Variants in MCC observed in about 807,000 individuals in gnomAD.
MCC encodes colorectal mutant cancer protein.
In MCC, 90 loss-of-function variants were observed where a neutral mutation model predicts 116.2. That is an observed-to-expected ratio of 0.77 (90% confidence interval 0.65 to 0.92). The LOEUF is 0.92. MCC is among the 40% of genes least tolerant of loss of function. MCC has a pLI of 0.00. For missense variants in MCC, 1,516 were observed against 1,312.2 expected, an observed-to-expected ratio of 1.16 and a Z score of -2.40; for synonymous variants, 578 against 510.5, an observed-to-expected ratio of 1.13 and a Z score of -1.78.
intron 2 of MCC, among the ~76,000 whole-genome samples, chr5:113,343,651 A>C (rs74390938): frequency 1.2e-3 from 187 of 152,332 alleles, no homozygotes; most frequent in Admixed American, 2.8e-3. Flanking sequence ...TACTCTCAGC[A>C]CCGTGCACAT....
intron 15 of MCC, among the ~76,000 whole-genome samples, chr5:113,053,045 C>T (rs1458115522): frequency 6.6e-6 from 1 of 152,198 alleles, no homozygotes; most frequent in Non-Finnish European, 1.5e-5. Context: ...TGGTGCCTGG[C>T]ATTCCACACC....
chr5:113,438,547 G>A (rs995508541), intron 1 of MCC, among the ~76,000 whole-genome samples: 1 of 152,146 alleles, frequency 6.6e-6, no homozygotes, highest in African/African-American at 2.4e-5. Context: ...GATTAGACAT[G>A]GTGATTCCTG....
chr5:113,097,326 T>G (rs1442172379), intron 8 of MCC, among the ~76,000 whole-genome samples: 1 of 152,222 alleles, frequency 6.6e-6, no homozygotes, highest in African/African-American at 2.4e-5. Flanking sequence ...TCTATGTATA[T>G]ACTTCTGCAT....
chr5:113,449,341 T>C (rs1017556347), intron 1 of MCC, among the ~76,000 whole-genome samples: 2 of 152,144 alleles, frequency 1.3e-5, no homozygotes, highest in Non-Finnish European at 2.9e-5. Flanking sequence ...CCTGTATATA[T>C]GAAAAGCAGA....
In MCC at chr5:113,028,926, AT is replaced by A; in HGVS notation, c.2879+7del. ...GGCGGTGGGGGCTGGGTATAGGGAG[AT>A]TTTTACCTGTTGGCCCGCTTTAGAT... On this transcript the variant is annotated splice_region_variant and intron_variant, in intron 18 of 18. Transcript: ENST00000408903. The A allele has an allele frequency of 1.2e-6, 2 of 1,612,110 alleles. No homozygotes were observed. The highest frequency in any genetic ancestry group is 1.7e-6 in the Non-Finnish European group (2 of 1,178,966).
intron 4 of MCC, among the ~76,000 whole-genome samples, chr5:113,144,974 A>T (rs1274743426): frequency 2.6e-5 from 4 of 152,212 alleles, no homozygotes; most frequent in Non-Finnish European, 5.9e-5. Flanking sequence ...AAGATGCTGT[A>T]ACCAGCCACA....
At chr5:113,254,482 G>T (rs944673907) in intron 3 of MCC, among the ~76,000 whole-genome samples, 3 of 152,134 alleles carry the variant, frequency 2.0e-5, no homozygotes, top group Admixed American at 2.0e-4. Context: ...AGTTTTGAGA[G>T]AATGAAGACA....
At chr5:113,218,883 A>G (rs1294682931) in intron 3 of MCC, among the ~76,000 whole-genome samples, 4 of 152,112 alleles carry the variant, frequency 2.6e-5, no homozygotes, top group East Asian at 1.9e-4. Context: ...GGGACGCATT[A>G]TAAGAATAGC....
chr5:113,296,729 A>G (rs1159704331), intron 3 of MCC, among the ~76,000 whole-genome samples: 1 of 152,206 alleles, frequency 6.6e-6, no homozygotes, highest in African/African-American at 2.4e-5. Flanking sequence ...AAGGTTTTTT[A>G]GCATAGAAAT....
chr5:113,132,444 A>ATATATAT (rs1758514929), intron 5 of MCC, among the ~76,000 whole-genome samples: 1 of 22,524 alleles, frequency 4.4e-5, no homozygotes, highest in African/African-American at 8.6e-5. Context: ...ATATATATAT[A>ATATATAT]CACACACACA....
chr5:113,375,519 A>T (rs1484348539), intron 2 of MCC, among the ~76,000 whole-genome samples: 1 of 152,194 alleles, frequency 6.6e-6, no homozygotes, highest in Admixed American at 6.5e-5. Flanking sequence ...GGGGTCAACA[A>T]TTCTCAGCTG....
chr5:113,331,452 C>A (rs1233010855), intron 3 of MCC, among the ~76,000 whole-genome samples: 1 of 151,664 alleles, frequency 6.6e-6, no homozygotes, highest in African/African-American at 2.4e-5. Flanking sequence ...AGGAAATCTA[C>A]CCTACAGTCT....
intron 17 of MCC, among the ~76,000 whole-genome samples, chr5:113,036,735 C>CCAGG (rs1460877874): frequency 2.0e-5 from 3 of 152,174 alleles, no homozygotes. Context: ...TTATGAGGTC[C>CCAGG]CAGGCAAGGC....
At chr5:113,122,938 C>G in intron 5 of MCC, 112 bp from the exon 6 acceptor site, 1 of 1,105,632 alleles carries the variant, frequency 9.0e-7, no homozygotes, top group Non-Finnish European at 1.3e-6. Context: ...CAGATTTCTC[C>G]CCCAGGCCAC....
At chr5:113,264,873 C>G (rs1765363697) in intron 3 of MCC, among the ~76,000 whole-genome samples, 1 of 152,128 alleles carries the variant, frequency 6.6e-6, no homozygotes, top group African/African-American at 2.4e-5. Context: ...GAAACCCCAT[C>G]TCTACTAAAA....
At chr5:113,119,178 G>A (rs757180968) in intron 6 of MCC, among the ~76,000 whole-genome samples, 23 of 152,224 alleles carry the variant, frequency 1.5e-4, no homozygotes, top group Non-Finnish European at 2.8e-4. Context: ...GGTAAATTAG[G>A]CAGGTGAAGT....
At chr5:113,068,570 G>T (rs2150232557) in intron 12 of MCC, among the ~76,000 whole-genome samples, 1 of 152,324 alleles carries the variant, frequency 6.6e-6, no homozygotes, top group Non-Finnish European at 1.5e-5. Flanking sequence ...ACCAGGGTTG[G>T]TCTGTGTGAC....
At chr5:113,317,085 G>A (rs929273415) in intron 3 of MCC, among the ~76,000 whole-genome samples, 4 of 152,196 alleles carry the variant, frequency 2.6e-5, no homozygotes, top group East Asian at 1.9e-4. Flanking sequence ...GGGGACTACC[G>A]AAAAGAAATA....
chr5:113,334,196 A>G (rs1264112904), intron 3 of MCC, among the ~76,000 whole-genome samples: 14 of 148,566 alleles, frequency 9.4e-5, no homozygotes, highest in Non-Finnish European at 1.9e-4. Flanking sequence ...ATTTATATAT[A>G]TTATATATAT....
Sources: allele counts gnomAD v4.1 joint callset (sites outside exome capture counted in the v4.1 genomes callset), GRCh38; gene constraint gnomAD v4.1.1; transcripts MANE v1.5; gene names NCBI Gene and HGNC (gene_info 2026-07-23, HGNC 2026-07-21).